The following QTMAN variants were observed in gnomAD, a reference collection of about 807,000 sequenced individuals.
QTMAN encodes tRNA-queuosine alpha-mannosyltransferase.
the QTMAN span, among the ~76,000 whole-genome samples, chr2:144,151,054 A>C: frequency 6.6e-6 from 1 of 152,300 alleles, no homozygotes; most frequent in Non-Finnish European, 1.5e-5. Context: ...AAGGTAAGAC[A>C]TGAAAATAAT....
chr2:144,009,476 A>G, the QTMAN span, among the ~76,000 whole-genome samples: 37 of 152,238 alleles, frequency 2.4e-4, no homozygotes, highest in East Asian at 6.4e-3. Flanking sequence ...CCCTATGTAC[A>G]TTCCAGAACC....
the QTMAN span, among the ~76,000 whole-genome samples, chr2:144,077,879 T>C: frequency 6.6e-6 from 1 of 152,244 alleles, no homozygotes. Flanking sequence ...AAGTTTTCTT[T>C]GATCGTCTGC....
chr2:144,145,234 T>A, the QTMAN span, among the ~76,000 whole-genome samples: 1 of 151,840 alleles, frequency 6.6e-6, no homozygotes, highest in African/African-American at 2.4e-5. Context: ...GATTAATAAG[T>A]AAGAGTTGAC....
chr2:144,296,087 T>A, the QTMAN span, among the ~76,000 whole-genome samples: 1 of 152,196 alleles, frequency 6.6e-6, no homozygotes, highest in Non-Finnish European at 1.5e-5. Flanking sequence ...TGAAGTTTAA[T>A]GAGGATGTTT....
At chr2:144,159,051 T>C in the QTMAN span, among the ~76,000 whole-genome samples, 1 of 152,008 alleles carries the variant, frequency 6.6e-6, no homozygotes, top group Non-Finnish European at 1.5e-5. Context: ...TTTGCAATAA[T>C]ACAAAAAGGA....
chr2:144,079,947 A>G, the QTMAN span, among the ~76,000 whole-genome samples: 1 of 152,074 alleles, frequency 6.6e-6, no homozygotes, highest in Non-Finnish European at 1.5e-5. Context: ...CTGTTGGCAA[A>G]ATCAATTTAG....
At chr2:144,012,417 A>G in the QTMAN span, among the ~76,000 whole-genome samples, 11 of 152,162 alleles carry the variant, frequency 7.2e-5, no homozygotes, top group Non-Finnish European at 1.5e-4. Context: ...GATTGATGGT[A>G]AGCAAAAGAA....
the QTMAN span, among the ~76,000 whole-genome samples, chr2:144,155,412 T>C: frequency 6.6e-6 from 1 of 152,192 alleles, no homozygotes; most frequent in African/African-American, 2.4e-5. Flanking sequence ...CATATGGTGT[T>C]TTATCACCAT....
chr2:144,040,590 A>T, the QTMAN span, among the ~76,000 whole-genome samples: 1 of 152,126 alleles, frequency 6.6e-6, no homozygotes, highest in Non-Finnish European at 1.5e-5. Flanking sequence ...AGATAAGAGG[A>T]TCTTGCAGTA....
At chr2:143,945,617 T>C in the QTMAN span, 1 of 152,260 alleles carries the variant, frequency 6.6e-6, no homozygotes, top group Non-Finnish European at 1.5e-5. Context: ...ATCATTGCTT[T>C]CTTTATCTTA....
chr2:144,030,915 G>A, the QTMAN span, among the ~76,000 whole-genome samples: 6 of 152,112 alleles, frequency 3.9e-5, no homozygotes, highest in African/African-American at 4.8e-5. Flanking sequence ...TTCTGTGAAC[G>A]AAGCTGTAGC....
the QTMAN span, among the ~76,000 whole-genome samples, chr2:143,986,735 C>T: frequency 6.6e-6 from 1 of 152,276 alleles, no homozygotes; most frequent in African/African-American, 2.4e-5. Flanking sequence ...GGGGACATAA[C>T]ACATTAAGAT....
the QTMAN span, among the ~76,000 whole-genome samples, chr2:144,247,945 C>A: frequency 2.6e-5 from 4 of 152,198 alleles, no homozygotes; most frequent in African/African-American, 9.7e-5. Flanking sequence ...CCGGCCTTGG[C>A]CTCCCAAAGT....
At chr2:144,026,156 G>A in the QTMAN span, among the ~76,000 whole-genome samples, 5,828 of 152,216 alleles carry the variant, frequency 0.038, 158 homozygotes, top group East Asian at 0.078. Flanking sequence ...GGACTTGGTT[G>A]GGAGCGGTGG....
chr2:144,001,250 A>G, the QTMAN span, among the ~76,000 whole-genome samples: 36 of 152,108 alleles, frequency 2.4e-4, no homozygotes, highest in South Asian at 7.0e-3. Context: ...ATAATTTTCC[A>G]TTTTATATCA....
chr2:144,009,662 G>C, the QTMAN span, among the ~76,000 whole-genome samples: 12 of 152,060 alleles, frequency 7.9e-5, no homozygotes, highest in East Asian at 2.1e-3. Flanking sequence ...CCTTAAATAT[G>C]CCCTAATAAA....
chr2:143,997,492 G>C, the QTMAN span, among the ~76,000 whole-genome samples: 11 of 152,174 alleles, frequency 7.2e-5, no homozygotes, highest in South Asian at 2.3e-3. Context: ...TCTCAGCTCT[G>C]ATGGGCTTAT....
the QTMAN span, among the ~76,000 whole-genome samples, chr2:144,294,142 G>A: frequency 1.3e-5 from 2 of 152,058 alleles, no homozygotes; most frequent in East Asian, 1.9e-4. Context: ...CCCTCCCTGC[G>A]CTATTTCTTT....
the QTMAN span, among the ~76,000 whole-genome samples, chr2:144,331,782 G>A: frequency 6.6e-6 from 1 of 152,216 alleles, no homozygotes; most frequent in Non-Finnish European, 1.5e-5. Flanking sequence ...GAAGTTATGT[G>A]CTTAATCCTC....
Sources: gnomAD v4.1 joint callset for allele counts (sites outside exome capture counted in the v4.1 genomes callset) on GRCh38, gnomAD v4.1.1 for gene constraint, MANE v1.5 for transcripts, NCBI Gene and HGNC (gene_info 2026-07-23, HGNC 2026-07-21) for gene names.